The following C2CD2L variants were observed in gnomAD, a reference collection of about 807,000 sequenced individuals.
The protein encoded by C2CD2L is phospholipid transfer protein C2CD2L.
A neutral mutation model predicts 69.9 loss-of-function variants in C2CD2L; 24 were observed. That is an observed-to-expected ratio of 0.34 (90% confidence interval 0.25 to 0.48). The LOEUF (loss-of-function observed/expected upper bound fraction) is 0.48. Among genes scored for constraint, C2CD2L ranks in the 20% least tolerant of loss-of-function variants. The pLI, the probability that C2CD2L is intolerant of heterozygous loss-of-function variation, is 0.99. For synonymous variants in C2CD2L, 367 were observed against 391.0 expected (o/e 0.94, Z 0.72); for missense variants, 811 against 941.5 (o/e 0.86, Z 1.81).
rs754718930 is a variant in C2CD2L, at chr11:119,107,919, C to T, written c.178C>T (p.Leu60=). 2.6e-6 allele frequency: 4 copies of T among 1,534,432 alleles called. No individual in the cohort carries two copies. The highest frequency in any genetic ancestry group is 4.3e-5 in the Admixed American group (2 of 46,710). Residue 60 remains leucine, a synonymous_variant, in exon 1 of 14, where the codon CTG becomes TTG. Coordinates refer to ENST00000648610, the MANE Select transcript of C2CD2L (RefSeq NM_001290474.2). This position sits in a 1 kb window ranked among gnomAD's most constrained non-coding sequence, Gnocchi z 5.4. ...CTTAGCCGGGGAACCCGCGGGTTCCCTGCGGGAGCTGGGCGTGTGGCGCTC... is the reference window on the plus strand; with the variant it reads ...CTTAGCCGGGGAACCCGCGGGTTCCTTGCGGGAGCTGGGCGTGTGGCGCTC... ...PALAGEPAGS[L]RELGVWRSLL... is the part of the protein sequence containing the mutation.
chr11:119,103,917 C>T (rs1946549095), upstream of C2CD2L, among the ~76,000 whole-genome samples: 1 of 152,138 alleles, frequency 6.6e-6, no homozygotes, highest in Admixed American at 6.5e-5. Flanking sequence ...TAGAAACTCC[C>T]GGGAGGCAAG....
chr11:119,113,604 C>A lies in C2CD2L; in HGVS notation c.1388-7C>A. The A allele has an allele frequency of 6.2e-7, 1 of 1,610,050 alleles. No individual in the cohort carries two copies. Among genetic ancestry groups the A allele is most frequent in the Non-Finnish European group, 8.5e-7 (1 of 1,177,674 alleles). ...TCCCAGCTCACTGACCCTCCCCCAC[C>A]CACCAGACTCCCCCTCCCGCTCCCC... On this transcript the variant is annotated splice_polypyrimidine_tract_variant and splice_region_variant and intron_variant, in intron 10 of 13. Coordinates refer to ENST00000648610, the MANE Select transcript of C2CD2L (RefSeq NM_001290474.2).
rs1186006173 is a variant in C2CD2L, at chr11:119,112,622, C to A, written c.1212+13C>A. ...CATGGCAGTGGAGGTGAGAAGCTGA[C>A]CCCTGGGGTAGGTGGGAGGACACAG... is the stretch of plus-strand genomic sequence containing the variant. On this transcript the variant is annotated intron_variant, in intron 9 of 13. Coordinates refer to ENST00000648610, the MANE Select transcript of C2CD2L (RefSeq NM_001290474.2). 1.9e-6 allele frequency: 3 copies of A among 1,607,824 alleles called. No individual in the cohort carries two copies. Among genetic ancestry groups the A allele is most frequent in the Non-Finnish European group, 2.5e-6 (3 of 1,177,246 alleles).
At position 119,110,465 on chromosome 11, in the gene C2CD2L, A is replaced by G; in HGVS notation, c.451-96A>G. ...CCTGAAAACATGAAGTCCTTAGGAA[A>G]ACGGAAGTGGGGAGGGGTCTGCTGA... On this transcript the variant is annotated intron_variant, in intron 2 of 13. Transcript: ENST00000648610. This position sits in a 1 kb window ranked among gnomAD's most constrained non-coding sequence, Gnocchi z 5.7. 2 of 1,394,202 alleles carry G rather than the reference A, an allele frequency of 1.4e-6. No individual in the cohort carries two copies. The highest frequency in any genetic ancestry group is 4.9e-5 in the East Asian group (2 of 40,516). The allele number at this position is 1,394,202 out of a possible 1,614,324, so 86.4% of individuals were successfully genotyped here.
At position 119,110,127 on chromosome 11, in the gene C2CD2L, G is replaced by A. The variant is rs1417350489; in HGVS notation, c.378G>A (p.Glu126=). 1 of 1,613,854 alleles carries A rather than the reference G, an allele frequency of 6.2e-7. No homozygotes were observed. Among genetic ancestry groups the A allele is most frequent in the South Asian group, 1.1e-5 (1 of 91,074 alleles). The change falls in exon 2 of 14, where the codon GAG becomes GAA. Residue 126 remains glutamate, a synonymous_variant. Coordinates refer to ENST00000648610, the MANE Select transcript of C2CD2L (RefSeq NM_001290474.2). This position sits in a 1 kb window ranked among gnomAD's most constrained non-coding sequence, Gnocchi z 5.7. ...RNGSSIQIAF[E]EVPQLPPRAS... ...AGAGCTCCATCCAAATCGCCTTTGA[G>A]GAGGTGCCCCAACTCCCACCCAGAG... is the stretch of plus-strand genomic sequence containing the variant.
At chr11:119,106,437 C>G (rs1037681538), upstream of C2CD2L, among the ~76,000 whole-genome samples, 1 of 152,122 alleles carries the variant, frequency 6.6e-6, no homozygotes, top group Non-Finnish European at 1.5e-5. Context: ...TATTTCCTTC[C>G]CCTGTCCTCA....
In C2CD2L at chr11:119,111,034, C is replaced by G. The variant is rs375051203; in HGVS notation, c.682-18C>G. ...GTGGGGGATCCACCTCCTTGTTGTT[C>G]CCTTCTTCTCTCTGCAGAGAGGTGA... On this transcript the variant is annotated intron_variant, in intron 4 of 13. Coordinates refer to ENST00000648610, the MANE Select transcript of C2CD2L (RefSeq NM_001290474.2). The G allele has an allele frequency of 1.9e-6, 3 of 1,613,000 alleles. No homozygotes were observed. In the African/African-American group the frequency reaches 4.0e-5, roughly 22 times the overall value.
At position 119,112,575 on chromosome 11, in the gene C2CD2L, AAGCCCTGGGACCAGC is replaced by A; in HGVS notation, c.1183_1197del (p.Leu395_Ala399del). The A allele has an allele frequency of 6.2e-7, 1 of 1,612,170 alleles. No homozygotes were observed. Among genetic ancestry groups the A allele is most frequent in the Non-Finnish European group, 8.5e-7 (1 of 1,179,506 alleles). ...TGCCCACTCACCCCAGGGCCAGGGA[AAGCCCTGGGACCAGC>A]AGCCACCATGGCAGTGGAGGTGAGA... On this transcript the variant is annotated inframe_deletion, in exon 9 of 14. Transcript: ENST00000648610.
rs371770708 is a variant in C2CD2L, at chr11:119,107,996, C to A, written c.255C>A (p.Val85=). Reference sequence around the variant, plus strand: ...CTGGCGCCGCCGAGGAGCCAGGAGTCCGGGGCCTCCTGGCGTCACTCTTCG... The same window carrying A: ...CTGGCGCCGCCGAGGAGCCAGGAGTACGGGGCCTCCTGGCGTCACTCTTCG... ...TRAGAAEEPG[V]RGLLASLFAF... is the part of the protein sequence containing the mutation. The change falls in exon 1 of 14, where the codon GTC becomes GTA. Residue 85 remains valine (V), a synonymous_variant. Coordinates refer to ENST00000648610, the MANE Select transcript of C2CD2L (RefSeq NM_001290474.2). The surrounding 1 kb of genome is among the most constrained non-coding windows in gnomAD (Gnocchi z 5.4). 5.1e-5 allele frequency: 80 copies of A among 1,583,126 alleles called. No individual in the cohort carries two copies. The African/African-American group carries it at 7.7e-4, about 15-fold the overall frequency.
chr11:119,107,908 C>T lies in C2CD2L; in HGVS notation c.167C>T (p.Pro56Leu). ...CCGGGACCCGCCTTAGCCGGGGAACCCGCGGGTTCCCTGCGGGAGCTGGGC... is the reference window on the plus strand; with the variant it reads ...CCGGGACCCGCCTTAGCCGGGGAACTCGCGGGTTCCCTGCGGGAGCTGGGC... Reference protein sequence around the residue: ...RGPGPALAGEPAGSLRELGVW... With the variant: ...RGPGPALAGELAGSLRELGVW... The change falls in exon 1 of 14, where the codon CCC becomes CTC. Residue 56 changes from proline (P) to leucine (L), a missense_variant. Pro to Leu is a moderately conservative substitution (Grantham distance 98, BLOSUM62 -3). Coordinates refer to ENST00000648610, the MANE Select transcript of C2CD2L (RefSeq NM_001290474.2). This position sits in a 1 kb window ranked among gnomAD's most constrained non-coding sequence, Gnocchi z 5.4. 2.0e-6 allele frequency: 3 copies of T among 1,526,960 alleles called. No homozygotes were observed. Among genetic ancestry groups the T allele is most frequent in the Non-Finnish European group, 2.6e-6 (3 of 1,143,536 alleles). The allele number at this position is 1,526,960 out of a possible 1,614,324, so 94.6% of individuals were successfully genotyped here. A position where few individuals can be genotyped will look rare whatever the true frequency, so the allele number is the denominator to read the frequency against.
Position 119,107,749 on chromosome 11 carries a change from C to T in C2CD2L, c.8C>T (p.Pro3Leu). 6.6e-7 allele frequency: 1 copy of T among 1,518,782 alleles called. No individual in the cohort carries two copies. The highest frequency in any genetic ancestry group is 8.7e-7 in the Non-Finnish European group (1 of 1,146,352). The allele number at this position is 1,518,782 out of a possible 1,614,324, so 94.1% of individuals were successfully genotyped here. MD[P>L]GWGQRDVGWA... The stretch of plus-strand genomic sequence containing the variant: ...TCGGAGCCCGCGCGGAGCATGGATC[C>T]GGGCTGGGGGCAGCGGGACGTGGGC... Residue 3 changes from proline (P) to leucine (L), a missense_variant, in exon 1 of 14, where the codon CCG becomes CTG. Transcript: ENST00000648610. This position sits in a 1 kb window ranked among gnomAD's most constrained non-coding sequence, Gnocchi z 5.4.
In C2CD2L at chr11:119,108,996, C is replaced by T. The variant is rs114900087; in HGVS notation, c.354+901C>T. 1.1e-3 allele frequency among the ~76,000 whole-genome samples: 173 copies of T among 152,340 alleles called. 2 individuals carry two copies. Among genetic ancestry groups the T allele is most frequent in the African/African-American group, 4.1e-3 (169 of 41,566 alleles). On this transcript the variant is annotated intron_variant, in intron 1 of 13. Coordinates refer to ENST00000648610, the MANE Select transcript of C2CD2L (RefSeq NM_001290474.2). ...CTATTTACTCTGTCCAGCTGGCTGGCTAAAAGCCAGATGGCATCTGTCAGT... is the reference window on the plus strand; with the variant it reads ...CTATTTACTCTGTCCAGCTGGCTGGTTAAAAGCCAGATGGCATCTGTCAGT...
chr11:119,112,227 AT>A, intron 7 of C2CD2L, 100 bp from the exon 8 acceptor site: 1 of 1,014,844 alleles, frequency 9.9e-7, no homozygotes, highest in South Asian at 1.6e-5. Context: ...ATGCCGTTTT[AT>A]TTATGTACAC....
chr11:119,113,363 C>T, intron 10 of C2CD2L: 1 of 532,894 alleles, frequency 1.9e-6, no homozygotes, highest in South Asian at 2.8e-5. Context: ...CCCCCTCTGT[C>T]CCCGCTCCAT....
At position 119,107,394 on chromosome 11, in the gene C2CD2L, G is replaced by A. The variant is rs1946612534; in HGVS notation, c.-348G>A. The A allele has an allele frequency of 5.2e-6, 1 of 193,436 alleles. No individual in the cohort carries two copies. Among genetic ancestry groups the A allele is most frequent in the East Asian group, 1.1e-4 (1 of 8,888 alleles). The allele number at this position is 193,436 out of a possible 1,614,324, so 12.0% of individuals were successfully genotyped here. ...ACGCAGCCCTCCCGGAGCCGGTGCC[G>A]GCCCGCGAGCCCCAGCGTCTCTGCA... On this transcript the variant is annotated 5_prime_UTR_variant, in exon 1 of 14. Coordinates refer to ENST00000648610, the MANE Select transcript of C2CD2L (RefSeq NM_001290474.2). This position sits in a 1 kb window ranked among gnomAD's most constrained non-coding sequence, Gnocchi z 5.4.
chr11:119,114,303 A>G lies in C2CD2L; in HGVS notation c.1847A>G (p.Asp616Gly), dbSNP rs1254517577. 3.7e-6 allele frequency: 6 copies of G among 1,614,070 alleles called. No homozygotes were observed. The highest frequency in any genetic ancestry group is 5.1e-6 in the Non-Finnish European group (6 of 1,180,030). ...SDISERPSVD[D>G]IESETGSTGA... ...ATTTCTGAGAGGCCATCTGTGGATGATATTGAGTCGGAAACGGGGTCCACT... is the reference window on the plus strand; with the variant it reads ...ATTTCTGAGAGGCCATCTGTGGATGGTATTGAGTCGGAAACGGGGTCCACT... The change falls in exon 13 of 14, where the codon GAT becomes GGT. Residue 616 changes from aspartate (D) to glycine (G), a missense_variant. By Grantham distance (94) the Asp-to-Gly change is moderately conservative (BLOSUM62 -1). Transcript: ENST00000648610. This position sits in a 1 kb window ranked among gnomAD's most constrained non-coding sequence, Gnocchi z 5.1.
rs1946704383 is a variant in C2CD2L at position 119,110,497 on chromosome 11, A to T, written c.451-64A>T. On this transcript the variant is annotated intron_variant, in intron 2 of 13. Transcript: ENST00000648610. The surrounding 1 kb of genome is among the most constrained non-coding windows in gnomAD (Gnocchi z 5.7). The stretch of plus-strand genomic sequence containing the variant: ...GTGGGGAGGGGTCTGCTGAACTATT[A>T]CAGGGCAGTTCAAAGCAGGGTGAGC... 6.4e-7 allele frequency: 1 copy of T among 1,561,428 alleles called. No individual in the cohort carries two copies. The highest frequency in any genetic ancestry group is 1.2e-5 in the South Asian group (1 of 86,090).
In C2CD2L at chr11:119,111,437, C is replaced by T. The variant is rs1451643728; in HGVS notation, c.910+63C>T. 15 of 1,586,442 alleles carry T rather than the reference C, an allele frequency of 9.5e-6. No individual in the cohort carries two copies. The Admixed American group carries it at 1.3e-4, about 14-fold the overall frequency. ...TGGTTGGTTGCAGATGCTCTCTGCC[C>T]CTCTGCCAAGGGTACAGCCTCTTTA... On this transcript the variant is annotated intron_variant, in intron 6 of 13. Transcript: ENST00000648610.
chr11:119,106,335 G>A (rs551404950), upstream of C2CD2L, among the ~76,000 whole-genome samples: 9 of 152,360 alleles, frequency 5.9e-5, no homozygotes, highest in East Asian at 1.7e-3. Flanking sequence ...TTAAGAAAGG[G>A]ACTGTGTGCC....
Sources: allele counts gnomAD v4.1 joint callset (sites outside exome capture counted in the v4.1 genomes callset), GRCh38; gene constraint gnomAD v4.1.1; non-coding constraint Gnocchi (gnomAD v3.1); transcripts MANE v1.5; gene names NCBI Gene and HGNC (gene_info 2026-07-23, HGNC 2026-07-21).